FRG1: variants seen among roughly 807,000 people sequenced by gnomAD.
FRG1 encodes the protein protein FRG1.
In FRG1, 19 loss-of-function variants were observed where a neutral mutation model predicts 37.0. The ratio of observed to expected loss-of-function variants is 0.51; its 90% CI spans 0.36 to 0.75. The LOEUF is 0.75. FRG1 is among the 30% of genes least tolerant of loss of function. The pLI is 0.00. For missense variants in FRG1, 243 were observed against 301.4 expected (o/e 0.81, Z 1.44); for synonymous variants, 73 against 96.5 (o/e 0.76, Z 1.43).
intron 4 of FRG1, among the ~76,000 whole-genome samples, chr4:189,954,747 G>A (rs368093449): frequency 6.6e-6 from 1 of 151,648 alleles, no homozygotes. Flanking sequence ...TGTGCATGCC[G>A]CCATGCCCAG....
chr4:189,958,850 C>T (rs1369879351), intron 6 of FRG1, among the ~76,000 whole-genome samples: 4 of 152,206 alleles, frequency 2.6e-5, no homozygotes, highest in Admixed American at 2.6e-4. Context: ...TAAAGAATAA[C>T]TCCCCACTTC....
chr4:189,941,775 A>G (rs745409702), intron 1 of FRG1: 2 of 338,788 alleles, frequency 5.9e-6, no homozygotes, highest in Middle Eastern at 3.8e-4. Context: ...GTAATTTATT[A>G]GCTTTTTAGG....
At position 189,959,935 on chromosome 4, in the gene FRG1, T is replaced by TA. The variant is rs529117759; in HGVS notation, c.538-812dup. 4.1e-5 allele frequency: 39 copies of TA among 954,284 alleles called. No homozygotes were observed. The South Asian group carries it at 1.8e-3, about 44-fold the overall frequency. The allele number at this position is 954,284 out of a possible 1,614,324, so 59.1% of individuals were successfully genotyped here. A position where few individuals can be genotyped will look rare whatever the true frequency, so the allele number is the denominator to read the frequency against. On this transcript the variant is annotated intron_variant, in intron 6 of 8. Coordinates refer to ENST00000226798, the MANE Select transcript of FRG1 (RefSeq NM_004477.3). ...CCTCTTACTAAAGGTAGCCTTGTGT[T>TA]ACCTCTGTCAGCCCTTCAGCTTTAT...
chr4:189,955,242 A>G, intron 5 of FRG1, 91 bp downstream of exon 5: 1 of 721,768 alleles, frequency 1.4e-6, no homozygotes, highest in Non-Finnish European at 2.5e-6. Flanking sequence ...AAGAAAAAGT[A>G]GGATGCAATA....
chr4:189,950,026 T>A (rs914144728), intron 2 of FRG1, among the ~76,000 whole-genome samples: 29 of 152,276 alleles, frequency 1.9e-4, no homozygotes, highest in African/African-American at 7.0e-4. Flanking sequence ...TTTTTCTGGC[T>A]TTCTTGGTTT....
chr4:189,962,599 G>C (rs73024975), intron 8 of FRG1, among the ~76,000 whole-genome samples: 1 of 152,102 alleles, frequency 6.6e-6, no homozygotes, highest in African/African-American at 2.4e-5. Flanking sequence ...GTTTAATTAC[G>C]TATTTCCTGT....
At chr4:189,957,828 ATAG>A (rs1021099159) in intron 6 of FRG1, among the ~76,000 whole-genome samples, 1 of 152,148 alleles carries the variant, frequency 6.6e-6, no homozygotes, top group Non-Finnish European at 1.5e-5. Flanking sequence ...AATTTTTAAA[ATAG>A]ATAACATGTA....
chr4:189,942,472 T>C (rs1327600926), intron 1 of FRG1, among the ~76,000 whole-genome samples: 1 of 152,216 alleles, frequency 6.6e-6, no homozygotes, highest in Non-Finnish European at 1.5e-5. Flanking sequence ...TCATGCAACA[T>C]GTGGCCTTTT....
chr4:189,943,964 A>T (rs1295906102), intron 2 of FRG1, among the ~76,000 whole-genome samples: 1 of 152,196 alleles, frequency 6.6e-6, no homozygotes, highest in African/African-American at 2.4e-5. Flanking sequence ...TCTAGGGTAG[A>T]TATGTAGATG....
intron 1 of FRG1, among the ~76,000 whole-genome samples, chr4:189,942,735 G>T (rs1460798673): frequency 6.6e-6 from 1 of 152,150 alleles, no homozygotes; most frequent in Admixed American, 6.5e-5. Flanking sequence ...GAGTAAAATT[G>T]CTGGGTCATG....
intron 5 of FRG1, among the ~76,000 whole-genome samples, chr4:189,956,741 A>G (rs1417407838): frequency 1.3e-5 from 2 of 152,238 alleles, no homozygotes; most frequent in African/African-American, 4.8e-5. Context: ...CAAGTTTTCC[A>G]AAAGAATCAA....
intron 8 of FRG1, among the ~76,000 whole-genome samples, chr4:189,962,553 C>CTTA (rs1561080797): frequency 6.6e-6 from 1 of 151,136 alleles, no homozygotes; most frequent in African/African-American, 2.5e-5. Flanking sequence ...CAAAGTTACT[C>CTTA]TTACCCTTTT....
intron 5 of FRG1, among the ~76,000 whole-genome samples, chr4:189,957,019 C>T (rs1263633318): frequency 6.6e-6 from 1 of 152,112 alleles, no homozygotes; most frequent in African/African-American, 2.4e-5. Flanking sequence ...ATAAATTTTA[C>T]TTAAAATGCT....
intron 3 of FRG1, among the ~76,000 whole-genome samples, chr4:189,952,528 A>G (rs1374986872): frequency 2.0e-5 from 3 of 152,214 alleles, no homozygotes; most frequent in East Asian, 1.9e-4. Flanking sequence ...TCAAAATAAC[A>G]TGAATAATTA....
intron 2 of FRG1, among the ~76,000 whole-genome samples, chr4:189,943,602 A>G (rs1736410126): frequency 6.6e-6 from 1 of 152,222 alleles, no homozygotes; most frequent in South Asian, 2.1e-4. Flanking sequence ...TTCTTTGCAC[A>G]TGTATGCATT....
intron 6 of FRG1, chr4:189,959,983 A>G: frequency 1.4e-6 from 1 of 733,780 alleles, no homozygotes; most frequent in Non-Finnish European, 1.7e-6. Context: ...GATCCCTCTT[A>G]CTAAAGGTAG....
At position 189,952,297 on chromosome 4, in the gene FRG1, T is replaced by C. The variant is rs776068154; in HGVS notation, c.259+10T>C. The C allele has an allele frequency of 6.2e-7, 1 of 1,609,892 alleles. No homozygotes were observed. Among genetic ancestry groups the C allele is most frequent in the South Asian group, 1.1e-5 (1 of 90,662 alleles). ...GCTCCACACAAAGAAGGTTTGTGTC[T>C]GGAAGGGAAGAGGCTGCCACAAGTG... On this transcript the variant is annotated intron_variant, in intron 3 of 8. Transcript: ENST00000226798.
In FRG1 at chr4:189,941,100, C is replaced by T. The variant is rs200902813; in HGVS notation, c.62+29C>T. 3.1e-6 allele frequency: 5 copies of T among 1,606,466 alleles called. No homozygotes were observed. The East Asian group carries it at 8.9e-5, about 29-fold the overall frequency. Reference sequence around the variant, plus strand: ...GGTCCTGCAGCTTGGGCGGGAGCCTCCTCCGTTCTTTTCGGACGCACTCCA... The same window carrying T: ...GGTCCTGCAGCTTGGGCGGGAGCCTTCTCCGTTCTTTTCGGACGCACTCCA... On this transcript the variant is annotated intron_variant, in intron 1 of 8. Transcript: ENST00000226798.
intron 6 of FRG1, among the ~76,000 whole-genome samples, chr4:189,960,253 TAGG>T (rs1435840597): frequency 1.3e-5 from 2 of 152,164 alleles, no homozygotes; most frequent in South Asian, 2.1e-4. Flanking sequence ...TATCCAAACT[TAGG>T]AGGATATAAG....
Sources: gnomAD v4.1 joint callset for allele counts (sites outside exome capture counted in the v4.1 genomes callset) on GRCh38, gnomAD v4.1.1 for gene constraint, MANE v1.5 for transcripts, NCBI Gene and HGNC (gene_info 2026-07-23, HGNC 2026-07-21) for gene names.